Variants in PSD3 observed in about 807,000 individuals in gnomAD.
The protein encoded by PSD3 is PH and SEC7 domain-containing protein 3.
In PSD3, 49 loss-of-function variants were observed where a neutral mutation model predicts 105.5. The observed-to-expected ratio is 0.46, with a 90% CI of 0.37 to 0.59. The LOEUF (loss-of-function observed/expected upper bound fraction) is 0.59, where lower values mean the gene tolerates loss of function less well. PSD3 is among the 20% of genes least tolerant of loss of function. The probability of loss-of-function intolerance (pLI) is 0.00; values close to 1 mark genes in which losing one functional copy is unlikely to be tolerated. For synonymous variants in PSD3, 557 were observed against 457.8 expected, an observed-to-expected ratio of 1.22 and a Z score of -2.77; for missense variants, 1,561 against 1,263.8, an observed-to-expected ratio of 1.24 and a Z score of -3.57.
chr8:18,907,031 T>C (rs1297935406), intron 2 of PSD3, among the ~76,000 whole-genome samples: 1 of 152,218 alleles, frequency 6.6e-6, no homozygotes, highest in Non-Finnish European at 1.5e-5. Flanking sequence ...TATTTTAGCA[T>C]AGTTGTACAA....
At chr8:18,748,057 C>A (rs117105418) in intron 9 of PSD3, among the ~76,000 whole-genome samples, 1 of 152,094 alleles carries the variant, frequency 6.6e-6, no homozygotes, top group Admixed American at 6.5e-5. Context: ...TCATAAAACA[C>A]CCCTTGGCTT....
At chr8:18,787,571 G>T (rs1192818659) in intron 8 of PSD3, among the ~76,000 whole-genome samples, 2 of 152,004 alleles carry the variant, frequency 1.3e-5, no homozygotes, top group African/African-American at 2.4e-5. Flanking sequence ...GGCTAATCAA[G>T]GTATCATCCT....
intron 1 of PSD3, among the ~76,000 whole-genome samples, chr8:18,975,919 AC>A (rs373716905): frequency 1.2e-3 from 178 of 152,308 alleles, no homozygotes; most frequent in African/African-American, 4.2e-3. Context: ...CTGATGGTCA[AC>A]CTACTTTTAT....
chr8:19,054,514 T>A (rs776783561), intron 1 of PSD3, among the ~76,000 whole-genome samples: 2 of 152,160 alleles, frequency 1.3e-5, no homozygotes, highest in Non-Finnish European at 2.9e-5. Flanking sequence ...TCTATAATCA[T>A]CTTGTCATGG....
intron 9 of PSD3, among the ~76,000 whole-genome samples, chr8:18,684,726 G>T (rs1171225690): frequency 6.6e-6 from 1 of 152,116 alleles, no homozygotes; most frequent in Non-Finnish European, 1.5e-5. Context: ...TACCTCTCTA[G>T]GAGACTGAGA....
At position 18,747,088 on chromosome 8, in the gene PSD3, T is replaced by C. The variant is rs78251552; in HGVS notation, c.2172+18361A>G. ...AATGTGAAGCTTAGAACCCTATAGA[T>C]TTTAAGATTGAAAAGGGCTTCTCAA... On this transcript the variant is annotated intron_variant, in intron 9 of 15. Coordinates refer to ENST00000327040, the MANE Select transcript of PSD3 (RefSeq NM_015310.4). Among the ~76,000 whole-genome samples, 697 of 152,320 alleles carry C rather than the reference T, an allele frequency of 4.6e-3. 10 individuals are homozygous for C. The highest frequency in any genetic ancestry group is 0.019 in the South Asian group (92 of 4,822).
intron 13 of PSD3, among the ~76,000 whole-genome samples, chr8:18,572,912 G>C (rs898700609): frequency 2.6e-5 from 4 of 152,144 alleles, no homozygotes; most frequent in Non-Finnish European, 4.4e-5. Context: ...AGGGAAAAAA[G>C]AGAAACACTT....
intron 9 of PSD3, among the ~76,000 whole-genome samples, chr8:18,742,288 C>G (rs902649599): frequency 6.6e-6 from 1 of 152,088 alleles, no homozygotes; most frequent in Non-Finnish European, 1.5e-5. Flanking sequence ...ACCAACCAAG[C>G]AACCAACCTA....
rs138547301 is a variant in PSD3, at chr8:18,862,044, G to A, written c.1634+5630C>T. ...GTCCGATGCAGGACTTCTGTCCATG[G>A]CCGAGTGGCAGAATAACTTTTCTTT... is the stretch of plus-strand genomic sequence containing the variant. On this transcript the variant is annotated intron_variant, in intron 4 of 15. Coordinates refer to ENST00000327040, the MANE Select transcript of PSD3 (RefSeq NM_015310.4). 2.9e-3 allele frequency among the ~76,000 whole-genome samples: 436 copies of A among 152,274 alleles called. 4 individuals carry two copies. The highest frequency in any genetic ancestry group is 1.0e-2 in the African/African-American group (415 of 41,548).
At chr8:18,785,895 A>G (rs183228669) in intron 8 of PSD3, among the ~76,000 whole-genome samples, 4 of 152,194 alleles carry the variant, frequency 2.6e-5, no homozygotes, top group Admixed American at 6.5e-5. Context: ...ATATTTATCA[A>G]TTAAGTCTGC....
rs74714694 is a variant in PSD3, at chr8:18,787,964, C to T, written c.2082+11331G>A. On this transcript the variant is annotated intron_variant, in intron 8 of 15. Coordinates refer to ENST00000327040, the MANE Select transcript of PSD3 (RefSeq NM_015310.4). ...AGGACCAGAGAGTAAATATTTTAGG[C>T]TTTGCAAGTCATATATTCTGTTACA... Among the ~76,000 whole-genome samples the T allele has an allele frequency of 4.7e-3, 720 of 152,236 alleles. 22 individuals carry two copies. The highest frequency in any genetic ancestry group is 0.035 in the Admixed American group (534 of 15,288).
chr8:18,739,961 G>C (rs973962597), intron 9 of PSD3, among the ~76,000 whole-genome samples: 1 of 152,148 alleles, frequency 6.6e-6, no homozygotes, highest in Non-Finnish European at 1.5e-5. Flanking sequence ...GAAATGTCAA[G>C]AACTCACAAA....
chr8:18,800,287 G>A (rs943193477), intron 7 of PSD3, among the ~76,000 whole-genome samples: 1 of 152,168 alleles, frequency 6.6e-6, no homozygotes, highest in African/African-American at 2.4e-5. Context: ...GGCTAATGGT[G>A]ACAGAGATAG....
chr8:18,586,349 C>T (rs972218721), intron 12 of PSD3, among the ~76,000 whole-genome samples: 3 of 152,064 alleles, frequency 2.0e-5, no homozygotes, highest in East Asian at 1.9e-4. Flanking sequence ...ATTTGTTTTT[C>T]GGAGGGGGAA....
At chr8:19,058,599 G>C (rs567122825) in intron 1 of PSD3, among the ~76,000 whole-genome samples, 2 of 151,884 alleles carry the variant, frequency 1.3e-5, no homozygotes, top group East Asian at 3.9e-4. Context: ...TTTTAAAAAA[G>C]TGTTGTCTAC....
chr8:18,981,879 CTGAT>C (rs1203540321), intron 1 of PSD3, among the ~76,000 whole-genome samples: 1 of 152,188 alleles, frequency 6.6e-6, no homozygotes, highest in Non-Finnish European at 1.5e-5. Context: ...TGGCTGCTGA[CTGAT>C]CAGGGTGGTA....
At chr8:18,832,552 C>T (rs1175048566) in intron 4 of PSD3, among the ~76,000 whole-genome samples, 1 of 152,196 alleles carries the variant, frequency 6.6e-6, no homozygotes, top group East Asian at 1.9e-4. Context: ...ATCCTCCAAC[C>T]CCCTTTTAAC....
intron 2 of PSD3, among the ~76,000 whole-genome samples, chr8:18,886,363 T>C (rs978072642): frequency 6.6e-6 from 1 of 152,122 alleles, no homozygotes; most frequent in Non-Finnish European, 1.5e-5. Flanking sequence ...ATCTCTCTGA[T>C]GACTGGGAAT....
intron 9 of PSD3, among the ~76,000 whole-genome samples, chr8:18,735,389 T>C (rs1308275930): frequency 2.0e-5 from 3 of 152,138 alleles, no homozygotes; most frequent in Non-Finnish European, 4.4e-5. Flanking sequence ...ATACTCACAA[T>C]CAGAGTAATA....
Sources: allele counts gnomAD v4.1 joint callset (sites outside exome capture counted in the v4.1 genomes callset), GRCh38; gene constraint gnomAD v4.1.1; transcripts MANE v1.5; gene names NCBI Gene and HGNC (gene_info 2026-07-23, HGNC 2026-07-21).